The following OSBPL6 variants were observed in gnomAD, a reference collection of about 807,000 sequenced individuals.
OSBPL6 encodes the protein oxysterol-binding protein-related protein 6.
Under a neutral mutation model 125.8 loss-of-function variants are expected in OSBPL6, and 49 were observed. The ratio of observed to expected loss-of-function variants is 0.39; its 90% CI spans 0.31 to 0.49. OSBPL6 has a LOEUF of 0.49. Among genes scored for constraint, OSBPL6 ranks in the 20% least tolerant of loss-of-function variants. The probability of loss-of-function intolerance (pLI) is 0.88; values close to 1 mark genes in which losing one functional copy is unlikely to be tolerated. For synonymous variants in OSBPL6, 394 were observed against 391.8 expected (o/e 1.01, Z -0.07); for missense variants, 986 against 1,135.4 (o/e 0.87, Z 1.89).
intron 15 of OSBPL6, among the ~76,000 whole-genome samples, chr2:178,377,059 C>T (rs1040334381): frequency 4.6e-5 from 7 of 152,206 alleles, no homozygotes; most frequent in Non-Finnish European, 1.0e-4. Context: ...ACAATCTCAT[C>T]TGCCCAAGTC....
At chr2:178,331,187 T>C (rs924915914) in intron 5 of OSBPL6, among the ~76,000 whole-genome samples, 6 of 152,204 alleles carry the variant, frequency 3.9e-5, no homozygotes, top group African/African-American at 1.4e-4. Context: ...TAGACCTGTA[T>C]AGAGCTCCTT....
intron 2 of OSBPL6, among the ~76,000 whole-genome samples, chr2:178,285,507 A>C (rs2154033219): frequency 6.6e-6 from 1 of 152,318 alleles, no homozygotes. Context: ...CTACAGGTAC[A>C]CATTCTTAAA....
intron 1 of OSBPL6, among the ~76,000 whole-genome samples, chr2:178,222,566 C>A (rs1267455004): frequency 6.6e-6 from 1 of 152,140 alleles, no homozygotes; most frequent in East Asian, 1.9e-4. Context: ...TGGCGTGAAC[C>A]CAGGAGGCGG....
rs1559276161 is a variant in OSBPL6 at position 178,347,773 on chromosome 2, A to C, written c.988-1451A>C. 2.6e-5 allele frequency among the ~76,000 whole-genome samples: 4 copies of C among 152,332 alleles called. No individual in the cohort carries two copies. The East Asian group carries it at 7.7e-4, about 29-fold the overall frequency. ...AATATTGATAAACAAGCTGTTTAAC[A>C]ATCATCTCCCAGCCCAGTGTAGCCA... On this transcript the variant is annotated intron_variant, in intron 11 of 24. Transcript: ENST00000190611.
At chr2:178,266,381 G>A (rs1184955270) in intron 1 of OSBPL6, among the ~76,000 whole-genome samples, 1 of 152,220 alleles carries the variant, frequency 6.6e-6, no homozygotes, top group East Asian at 1.9e-4. Context: ...TTTACAGTGA[G>A]CTGGTGTCTC....
intron 12 of OSBPL6, among the ~76,000 whole-genome samples, chr2:178,352,821 G>A (rs1161163231): frequency 6.6e-6 from 1 of 152,160 alleles, no homozygotes; most frequent in Non-Finnish European, 1.5e-5. Context: ...GCCTAACTGG[G>A]AGACACCTCC....
chr2:178,264,140 C>G (rs1416708468), intron 1 of OSBPL6, among the ~76,000 whole-genome samples: 2 of 151,770 alleles, frequency 1.3e-5, no homozygotes, highest in Non-Finnish European at 2.9e-5. Context: ...TTATATCACT[C>G]AGTTCTGAAA....
At chr2:178,270,880 G>T (rs1574699774) in intron 1 of OSBPL6, among the ~76,000 whole-genome samples, 2 of 152,148 alleles carry the variant, frequency 1.3e-5, no homozygotes, top group Non-Finnish European at 2.9e-5. Context: ...ACTTGAACTA[G>T]GTTTTATCAG....
At chr2:178,248,316 T>C (rs763599725) in intron 1 of OSBPL6, among the ~76,000 whole-genome samples, 12 of 152,364 alleles carry the variant, frequency 7.9e-5, no homozygotes, top group Non-Finnish European at 2.9e-5. Context: ...AAATGTTTAA[T>C]AATTTGTTTA....
chr2:178,383,987 A>G, intron 17 of OSBPL6, 52 bp from the exon 18 acceptor site: 1 of 1,585,170 alleles, frequency 6.3e-7, no homozygotes. Context: ...GAACAAACAG[A>G]CCCAGCAGTC....
At chr2:178,206,718 A>C (rs2089552438) in intron 1 of OSBPL6, among the ~76,000 whole-genome samples, 1 of 151,948 alleles carries the variant, frequency 6.6e-6, no homozygotes. Context: ...GGGTTCAAGC[A>C]ATTCTCCTGT....
chr2:178,333,186 C>T, intron 8 of OSBPL6, 145 bp downstream of exon 8: 1 of 820,814 alleles, frequency 1.2e-6, no homozygotes, highest in East Asian at 2.7e-5. Flanking sequence ...GAGTTCGAGA[C>T]CAGCCTGGGC....
chr2:178,402,523 C>T lies in OSBPL6; in HGVS notation c.*6964C>T, dbSNP rs944161999. On this transcript the variant is annotated 3_prime_UTR_variant, in exon 25 of 25. Coordinates refer to ENST00000190611, the MANE Select transcript of OSBPL6 (RefSeq NM_032523.4). ...TACTTAACAAGAAGGTCTAGCAGGA[C>T]ATTCTTGATCCAGGTCAGCTTCTTC... 2.0e-5 allele frequency: 3 copies of T among 152,162 alleles called. No homozygotes were observed. The highest frequency in any genetic ancestry group is 1.3e-4 in the Admixed American group (2 of 15,274). The allele number at this position is 152,162 out of a possible 1,614,324, so 9.4% of individuals were successfully genotyped here.
intron 3 of OSBPL6, among the ~76,000 whole-genome samples, chr2:178,316,283 A>G (rs1211279425): frequency 1.3e-5 from 2 of 152,220 alleles, no homozygotes; most frequent in Admixed American, 6.5e-5. Context: ...AAGTCATACC[A>G]TGGGACCCAG....
In OSBPL6 at chr2:178,372,206, T is replaced by C. The variant is rs1693457386; in HGVS notation, c.1368T>C (p.Ser456=). The change falls in exon 14 of 25, where the codon AGT becomes AGC. Residue 456 remains serine (S), a synonymous_variant. Transcript: ENST00000190611. ...SESIICDQVV[S]VNIIPSPDEA... ...CTATTATTTGTGATCAGGTTGTCAG[T>C]GTAAATATTATTCCTAGCCCTGATG... The C allele has an allele frequency of 6.2e-7, 1 of 1,612,920 alleles. No homozygotes were observed. The highest frequency in any genetic ancestry group is 8.5e-7 in the Non-Finnish European group (1 of 1,179,212).
intron 1 of OSBPL6, among the ~76,000 whole-genome samples, chr2:178,195,781 C>G (rs1021553044): frequency 6.0e-5 from 9 of 151,176 alleles, no homozygotes; most frequent in African/African-American, 1.7e-4. Context: ...TAAGTTTAGC[C>G]AATTGTCTAT....
intron 1 of OSBPL6, among the ~76,000 whole-genome samples, chr2:178,220,471 A>C (rs942868718): frequency 2.0e-5 from 3 of 151,566 alleles, no homozygotes; most frequent in Non-Finnish European, 4.4e-5. Flanking sequence ...CCTTTTTTTA[A>C]ATTTTGTATC....
intron 1 of OSBPL6, among the ~76,000 whole-genome samples, chr2:178,261,141 C>A (rs2092045742): frequency 1.3e-5 from 2 of 151,784 alleles, no homozygotes; most frequent in African/African-American, 4.8e-5. Flanking sequence ...CAAAACAAAA[C>A]AATACAAACA....
chr2:178,308,078 A>T (rs1456546525), intron 3 of OSBPL6, among the ~76,000 whole-genome samples: 1 of 152,178 alleles, frequency 6.6e-6, no homozygotes, highest in African/African-American at 2.4e-5. Context: ...TCAAAGGGTT[A>T]TTATTCTTTA....
Sources: allele counts gnomAD v4.1 joint callset (sites outside exome capture counted in the v4.1 genomes callset), GRCh38; gene constraint gnomAD v4.1.1; transcripts MANE v1.5; gene names NCBI Gene and HGNC (gene_info 2026-07-23, HGNC 2026-07-21).